The following CDK15 variants were observed in gnomAD, a reference collection of about 807,000 sequenced individuals.
CDK15 encodes cyclin dependent kinase 15.
A neutral mutation model predicts 60.3 loss-of-function variants in CDK15; 62 were observed. The observed-to-expected ratio is 1.03, with a 90% CI of 0.84 to 1.27. The LOEUF (loss-of-function observed/expected upper bound fraction) is 1.27. Ranked by LOEUF, CDK15 falls within the 50% of genes most tolerant of loss-of-function variation. The probability of loss-of-function intolerance (pLI) is 0.00; values close to 1 mark genes in which losing one functional copy is unlikely to be tolerated. For synonymous variants in CDK15, 194 were observed against 195.7 expected (o/e 0.99, Z 0.07); for missense variants, 541 against 527.8 (o/e 1.03, Z -0.25).
At chr2:201,884,600 A>C (rs1699393737) in intron 12 of CDK15, among the ~76,000 whole-genome samples, 1 of 152,190 alleles carries the variant, frequency 6.6e-6, no homozygotes, top group African/African-American at 2.4e-5. Context: ...CTATGATATC[A>C]CTTCCCAAAG....
intron 12 of CDK15, chr2:201,889,272 T>G (rs1699560449): frequency 3.0e-6 from 3 of 985,400 alleles, no homozygotes; most frequent in Non-Finnish European, 3.6e-6. Context: ...ACCCCAGATT[T>G]ATGCAAATTG....
chr2:201,834,715 A>G (rs1455343538), intron 7 of CDK15, among the ~76,000 whole-genome samples: 2 of 152,168 alleles, frequency 1.3e-5, no homozygotes, highest in African/African-American at 4.8e-5. Context: ...GTGCTTAATA[A>G]GTACTTGTTG....
chr2:201,807,821 C>T, intron 2 of CDK15, 37 bp from the exon 3 acceptor site: 2 of 1,584,230 alleles, frequency 1.3e-6, no homozygotes, highest in Non-Finnish European at 1.7e-6. Context: ...TCTCTCTTCC[C>T]TTTCACCCGC....
At chr2:201,866,039 T>A (rs1698619663) in intron 10 of CDK15, among the ~76,000 whole-genome samples, 1 of 150,522 alleles carries the variant, frequency 6.6e-6, no homozygotes, top group South Asian at 2.1e-4. Context: ...TGTGTGTGTG[T>A]GTGTGTGTTT....
At chr2:201,884,453 A>C (rs1699387556) in intron 12 of CDK15, among the ~76,000 whole-genome samples, 3 of 152,184 alleles carry the variant, frequency 2.0e-5, no homozygotes, top group Admixed American at 6.5e-5. Flanking sequence ...TGATCACACC[A>C]TCCCGATATC....
Position 201,883,953 on chromosome 2 carries a change from G to T in CDK15, c.1198+3786G>T, listed in dbSNP as rs191255628. Among the ~76,000 whole-genome samples, 114 of 152,342 alleles carry T rather than the reference G, an allele frequency of 7.5e-4. No individual in the cohort carries two copies. The East Asian group carries it at 0.021, about 29-fold the overall frequency. On this transcript the variant is annotated intron_variant, in intron 12 of 13. Transcript: ENST00000652192. ...ACTGTTTAATGATTTGGGGGTGGGG[G>T]TAGTAGGAAATCATTAAGCTGCCCC...
chr2:201,844,467 G>A (rs1490320043), intron 8 of CDK15, among the ~76,000 whole-genome samples: 1 of 152,080 alleles, frequency 6.6e-6, no homozygotes, highest in Non-Finnish European at 1.5e-5. Flanking sequence ...TACACCCTTA[G>A]TATCTCTTGT....
At chr2:201,887,476 TGA>T (rs1699492847) in intron 12 of CDK15, among the ~76,000 whole-genome samples, 1 of 152,214 alleles carries the variant, frequency 6.6e-6, no homozygotes, top group Non-Finnish European at 1.5e-5. Context: ...AGCTGTGGAT[TGA>T]GAGTCAAAGG....
intron 4 of CDK15, among the ~76,000 whole-genome samples, chr2:201,815,338 T>C (rs936406225): frequency 2.6e-5 from 4 of 152,250 alleles, no homozygotes; most frequent in Non-Finnish European, 4.4e-5. Context: ...CAAATCTCTC[T>C]GATTCAAAAA....
At chr2:201,851,237 A>G (rs1288933143) in intron 9 of CDK15, among the ~76,000 whole-genome samples, 1 of 142,788 alleles carries the variant, frequency 7.0e-6, no homozygotes, top group Non-Finnish European at 1.5e-5. Flanking sequence ...GGTTGCAGTG[A>G]GACGAGATCG....
chr2:201,823,395 T>C (rs1477845007), intron 5 of CDK15, among the ~76,000 whole-genome samples: 1 of 152,216 alleles, frequency 6.6e-6, no homozygotes, highest in Admixed American at 6.5e-5. Flanking sequence ...GAAAAATTCC[T>C]GCGTCGTTGT....
chr2:201,831,695 G>A (rs1696758690), intron 6 of CDK15, among the ~76,000 whole-genome samples: 1 of 152,184 alleles, frequency 6.6e-6, no homozygotes, highest in Non-Finnish European at 1.5e-5. Context: ...ACTGTGGCTA[G>A]TTAGTGAAAA....
At chr2:201,811,429 C>T (rs1484421385) in intron 3 of CDK15, among the ~76,000 whole-genome samples, 2 of 152,194 alleles carry the variant, frequency 1.3e-5, no homozygotes, top group Admixed American at 1.3e-4. Context: ...GGATTACAGG[C>T]GTGAGCCACT....
chr2:201,851,908 C>T (rs1440219864), intron 9 of CDK15, among the ~76,000 whole-genome samples: 1 of 152,190 alleles, frequency 6.6e-6, no homozygotes, highest in African/African-American at 2.4e-5. Context: ...ATCCACCTGC[C>T]TCAGCCTCCC....
intron 8 of CDK15, among the ~76,000 whole-genome samples, chr2:201,841,455 G>C (rs1021744045): frequency 6.6e-6 from 1 of 152,130 alleles, no homozygotes; most frequent in Non-Finnish European, 1.5e-5. Context: ...CAAAGTAATT[G>C]CTAGACCTTG....
At chr2:201,890,670 G>T in intron 12 of CDK15, 115 bp from the exon 13 acceptor site, 1 of 713,554 alleles carries the variant, frequency 1.4e-6, no homozygotes, top group Non-Finnish European at 2.3e-6. Context: ...TAGTAAATAA[G>T]TCTGGCTCAT....
At chr2:201,813,641 A>C (rs898287741) in intron 4 of CDK15, among the ~76,000 whole-genome samples, 2 of 152,266 alleles carry the variant, frequency 1.3e-5, no homozygotes, top group African/African-American at 4.8e-5. Context: ...TAAAAGACAT[A>C]AACTAAGATG....
intron 6 of CDK15, among the ~76,000 whole-genome samples, chr2:201,825,446 A>C (rs1322973007): frequency 6.6e-6 from 1 of 152,212 alleles, no homozygotes; most frequent in Non-Finnish European, 1.5e-5. Flanking sequence ...AACCTAACCC[A>C]GTCCTGGAAG....
At chr2:201,826,694 G>A (rs1018243212) in intron 6 of CDK15, among the ~76,000 whole-genome samples, 2 of 152,106 alleles carry the variant, frequency 1.3e-5, no homozygotes, top group East Asian at 3.9e-4. Flanking sequence ...CAATATGGTG[G>A]TTAGCAACCT....
Sources: gnomAD v4.1 joint callset for allele counts (sites outside exome capture counted in the v4.1 genomes callset) on GRCh38, gnomAD v4.1.1 for gene constraint, MANE v1.5 for transcripts, NCBI Gene and HGNC (gene_info 2026-07-23, HGNC 2026-07-21) for gene names.